Variants in USH2A observed in about 807,000 individuals in gnomAD.
USH2A encodes the protein usherin, also known as Usher syndrome 2A (autosomal recessive, mild).
Under a neutral mutation model 538.9 loss-of-function variants are expected in USH2A, and 443 were observed. The observed-to-expected ratio is 0.82, with a 90% CI of 0.76 to 0.89. The LOEUF (loss-of-function observed/expected upper bound fraction) is 0.89, where lower values mean the gene tolerates loss of function less well. Ranked by LOEUF, USH2A falls within the 40% of genes least tolerant of loss-of-function variation. USH2A has a pLI of 0.00. For synonymous variants in USH2A, 2,413 were observed against 2,273.5 expected (o/e 1.06, Z -1.75); for missense variants, 6,633 against 6,324.8 (o/e 1.05, Z -1.65).
chr1:215,985,985 A>G (rs1409222542), intron 35 of USH2A, among the ~76,000 whole-genome samples: 2 of 152,214 alleles, frequency 1.3e-5, no homozygotes, highest in African/African-American at 2.4e-5. Context: ...ATGTTCACAT[A>G]TAAATTCTCA....
At position 216,126,525 on chromosome 1, in the gene USH2A, G is replaced by C. The variant is rs145740759; in HGVS notation, c.4628-29312C>G. Among the ~76,000 whole-genome samples the C allele has an allele frequency of 1.2e-4, 18 of 152,152 alleles. No individual in the cohort carries two copies. In the East Asian group the frequency reaches 3.5e-3, roughly 29 times the overall value. On this transcript the variant is annotated intron_variant, in intron 21 of 71. Transcript: ENST00000307340. ...GGCATGAGCCACTGTGCTGGGCCGA[G>C]TGCTTGCTTTGTGTCAGACATTACT... is the stretch of plus-strand genomic sequence containing the variant.
At chr1:216,133,847 C>T (rs768036162) in intron 21 of USH2A, among the ~76,000 whole-genome samples, 1 of 152,216 alleles carries the variant, frequency 6.6e-6, no homozygotes. Flanking sequence ...TGATGATAAT[C>T]AGGAAATCTC....
chr1:215,755,295 C>T (rs1003598140), intron 58 of USH2A, among the ~76,000 whole-genome samples: 9 of 152,104 alleles, frequency 5.9e-5, no homozygotes, highest in Admixed American at 5.9e-4. Flanking sequence ...CTGTTTTGCC[C>T]ATTATTCAGC....
intron 13 of USH2A, among the ~76,000 whole-genome samples, chr1:216,245,517 G>C (rs1023189430): frequency 7.3e-6 from 1 of 137,928 alleles, no homozygotes; most frequent in Non-Finnish European, 1.6e-5. Context: ...GAGAGAGAGA[G>C]ACAAATGAAT....
Position 215,623,903 on chromosome 1 carries a change from T to A in USH2A, c.*1878A>T, listed in dbSNP as rs1036513295. On this transcript the variant is annotated 3_prime_UTR_variant, in exon 72 of 72. Coordinates refer to ENST00000307340, the MANE Select transcript of USH2A (RefSeq NM_206933.4). ...ATTCTTTGTGACTAGCAAACTGTAT[T>A]CTTAGAAGAGTCCACCAAGGATTAG... The A allele has an allele frequency of 6.6e-6, 1 of 152,156 alleles. No individual in the cohort carries two copies. Among genetic ancestry groups the A allele is most frequent in the Non-Finnish European group, 1.5e-5 (1 of 68,018 alleles). The allele number at this position is 152,156 out of a possible 1,614,324, so 9.4% of individuals were successfully genotyped here.
At chr1:215,799,186 A>G in intron 49 of USH2A, 61 bp from the exon 50 acceptor site, 1 of 1,471,128 alleles carries the variant, frequency 6.8e-7, no homozygotes, top group South Asian at 1.2e-5. Flanking sequence ...ATGACTAACA[A>G]TTAACTTTTA....
Position 216,184,305 on chromosome 1 carries a change from G to C in USH2A, c.4396+5918C>G, listed in dbSNP as rs560659869. Among the ~76,000 whole-genome samples the C allele has an allele frequency of 2.0e-5, 3 of 152,112 alleles. No individual in the cohort carries two copies. In the East Asian group the frequency reaches 5.8e-4, roughly 30 times the overall value. On this transcript the variant is annotated intron_variant, in intron 20 of 71. Transcript: ENST00000307340. ...TTTCAGCTCGCCTCTGCAGCTCTTC[G>C]AAGAGGCTTTGATTTTTTTTCCCCA... is the stretch of plus-strand genomic sequence containing the variant.
intron 38 of USH2A, among the ~76,000 whole-genome samples, chr1:215,906,557 T>G (rs909242204): frequency 3.3e-5 from 5 of 152,018 alleles, no homozygotes; most frequent in African/African-American, 1.2e-4. Flanking sequence ...ATATATTAAA[T>G]CTATATAAAA....
At chr1:215,819,590 A>G (rs1334337269) in intron 47 of USH2A, among the ~76,000 whole-genome samples, 1 of 151,790 alleles carries the variant, frequency 6.6e-6, no homozygotes, top group Non-Finnish European at 1.5e-5. Flanking sequence ...CATTCTGCAG[A>G]TACCTTTTGT....
At chr1:216,084,956 G>A in intron 24 of USH2A, 79 bp from the exon 25 acceptor site, 2 of 1,464,348 alleles carry the variant, frequency 1.4e-6, no homozygotes, top group Non-Finnish European at 9.4e-7. Flanking sequence ...TGCCATTAAA[G>A]TCAAAGAAAT....
intron 30 of USH2A, among the ~76,000 whole-genome samples, chr1:216,057,784 A>T (rs1354571445): frequency 6.6e-6 from 1 of 152,216 alleles, no homozygotes; most frequent in Non-Finnish European, 1.5e-5. Flanking sequence ...ACACCAACAA[A>T]AAGAATTACT....
chr1:215,943,772 C>A (rs1394081295), intron 37 of USH2A, among the ~76,000 whole-genome samples: 1 of 152,152 alleles, frequency 6.6e-6, no homozygotes, highest in East Asian at 1.9e-4. Context: ...CTGGTCTGGG[C>A]TATGTTATTT....
In USH2A at chr1:215,790,292, T is replaced by C; in HGVS notation, c.9959-10A>G. On this transcript the variant is annotated splice_polypyrimidine_tract_variant and intron_variant, in intron 50 of 71. Transcript: ENST00000307340. ...CCACAACAGAACATACCTGCAACAATAAAATGTTATATATGAATATGAAAT... is the reference window on the plus strand; with the variant it reads ...CCACAACAGAACATACCTGCAACAACAAAATGTTATATATGAATATGAAAT... 6.2e-7 allele frequency: 1 copy of C among 1,612,784 alleles called. No individual in the cohort carries two copies. Among genetic ancestry groups the C allele is most frequent in the Non-Finnish European group, 8.5e-7 (1 of 1,179,346 alleles).
intron 21 of USH2A, among the ~76,000 whole-genome samples, chr1:216,167,500 G>A (rs1218102719): frequency 1.3e-5 from 2 of 152,088 alleles, no homozygotes; most frequent in African/African-American, 4.8e-5. Context: ...AAGGAAACAT[G>A]CCTTAAGTGA....
intron 11 of USH2A, among the ~76,000 whole-genome samples, chr1:216,264,021 C>G (rs993957189): frequency 6.6e-6 from 1 of 151,834 alleles, no homozygotes; most frequent in East Asian, 1.9e-4. Flanking sequence ...GCTAAAAAAA[C>G]AAAAATACTG....
chr1:216,052,137 C>A (rs1365109675), intron 30 of USH2A, among the ~76,000 whole-genome samples: 1 of 152,056 alleles, frequency 6.6e-6, no homozygotes, highest in Non-Finnish European at 1.5e-5. Flanking sequence ...TAAAAGCAAG[C>A]ACTGCTCATC....
At chr1:216,137,760 T>G (rs183249670) in intron 21 of USH2A, among the ~76,000 whole-genome samples, 1 of 152,200 alleles carries the variant, frequency 6.6e-6, no homozygotes, top group Non-Finnish European at 1.5e-5. Context: ...GACTCAAATA[T>G]TAATCTCCTT....
At chr1:216,246,522 G>A in intron 13 of USH2A, 63 bp downstream of exon 13, 1 of 1,610,418 alleles carries the variant, frequency 6.2e-7, no homozygotes, top group Non-Finnish European at 8.5e-7. Context: ...ACAGGGAGAA[G>A]TTACCTAAGT....
intron 40 of USH2A, among the ~76,000 whole-genome samples, chr1:215,899,075 T>C (rs1222923552): frequency 7.9e-5 from 12 of 152,174 alleles, no homozygotes; most frequent in Non-Finnish European, 1.5e-5. Context: ...ACAAGATAGA[T>C]TGTACTGATA....
Sources: gnomAD v4.1 joint callset for allele counts (sites outside exome capture counted in the v4.1 genomes callset) on GRCh38, gnomAD v4.1.1 for gene constraint, MANE v1.5 for transcripts, NCBI Gene and HGNC (gene_info 2026-07-23, HGNC 2026-07-21) for gene names.